RCAN2: variants seen among roughly 807,000 people sequenced by gnomAD.
RCAN2 encodes the protein calcipressin-2.
Under a neutral mutation model 23.6 loss-of-function variants are expected in RCAN2, and 9 were observed. The observed-to-expected ratio is 0.38, with a 90% CI of 0.23 to 0.67. The LOEUF is 0.67. RCAN2 is among the 30% of genes least tolerant of loss of function. The probability of loss-of-function intolerance (pLI) is 0.51; values close to 1 mark genes in which losing one functional copy is unlikely to be tolerated. For missense variants in RCAN2, 273 were observed against 302.3 expected (o/e 0.90, Z 0.72); for synonymous variants, 109 against 115.7 (o/e 0.94, Z 0.37).
chr6:46,357,364 A>C (rs985208104), intron 2 of RCAN2, among the ~76,000 whole-genome samples: 4 of 152,256 alleles, frequency 2.6e-5, no homozygotes, highest in African/African-American at 9.6e-5. Context: ...GATTCAAAAA[A>C]AGAGTCACTA....
chr6:46,355,893 T>A (rs1891036), intron 2 of RCAN2, among the ~76,000 whole-genome samples: 75,193 of 152,056 alleles, frequency 0.49, 18,869 homozygotes, highest in East Asian at 0.61. Context: ...GCCTGGCCTG[T>A]GTGGCTAAGG....
rs61581144 is a variant in RCAN2 at position 46,380,896 on chromosome 6, T to C, written c.225+75856A>G. Among the ~76,000 whole-genome samples, 1,361 of 152,328 alleles carry C rather than the reference T, an allele frequency of 8.9e-3. 20 individuals are homozygous for C. Among genetic ancestry groups the C allele is most frequent in the African/African-American group, 0.031 (1,299 of 41,574 alleles). On this transcript the variant is annotated intron_variant, in intron 2 of 4. Coordinates refer to ENST00000371374, the MANE Select transcript of RCAN2 (RefSeq NM_001251974.2). ...TAAAATAAGGATAAAATAACACCAT[T>C]GTTAAATGGAACAAAAGTTAATCAG... is the stretch of plus-strand genomic sequence containing the variant.
chr6:46,457,385 G>C (rs1302917937), intron 1 of RCAN2, among the ~76,000 whole-genome samples: 6 of 152,018 alleles, frequency 3.9e-5, no homozygotes, highest in African/African-American at 4.8e-5. Flanking sequence ...TATAAGGTTG[G>C]TACCAATATT....
In RCAN2 at chr6:46,398,501, T is replaced by C. The variant is rs955184722; in HGVS notation, c.225+58251A>G. The stretch of plus-strand genomic sequence containing the variant: ...ACCTTAACCCAGTAATATAGACATG[T>C]TCTGGATCATCTTCACGATCTCAGC... On this transcript the variant is annotated intron_variant, in intron 2 of 4. Coordinates refer to ENST00000371374, the MANE Select transcript of RCAN2 (RefSeq NM_001251974.2). 1.7e-4 allele frequency among the ~76,000 whole-genome samples: 26 copies of C among 152,310 alleles called. No homozygotes were observed. The South Asian group carries it at 4.1e-3, about 24-fold the overall frequency.
chr6:46,390,899 G>T (rs1395648919), intron 2 of RCAN2, among the ~76,000 whole-genome samples: 1 of 152,150 alleles, frequency 6.6e-6, no homozygotes, highest in African/African-American at 2.4e-5. Flanking sequence ...AAATGAATGC[G>T]AAGTGCCCAG....
chr6:46,228,568 T>A (rs772244153), intron 4 of RCAN2, among the ~76,000 whole-genome samples: 1 of 152,176 alleles, frequency 6.6e-6, no homozygotes, highest in Non-Finnish European at 1.5e-5. Context: ...TGGTTTAAAG[T>A]CTGTTTTATC....
intron 1 of RCAN2, among the ~76,000 whole-genome samples, chr6:46,490,702 C>A (rs915441641): frequency 1.3e-5 from 2 of 152,194 alleles, no homozygotes; most frequent in Non-Finnish European, 2.9e-5. Flanking sequence ...GCACCTACCC[C>A]CTCCCCAGCC....
intron 4 of RCAN2, 80 bp downstream of exon 4, chr6:46,246,668 G>C (rs1263258547): frequency 2.3e-5 from 27 of 1,181,962 alleles, no homozygotes; most frequent in Middle Eastern, 5.3e-4. Context: ...GTGAACCCAG[G>C]ATCTCAAGGT....
At chr6:46,476,967 A>T (rs888213940) in intron 1 of RCAN2, among the ~76,000 whole-genome samples, 2 of 152,206 alleles carry the variant, frequency 1.3e-5, no homozygotes, top group East Asian at 3.9e-4. Context: ...TCATGTAATC[A>T]ATCATACCTG....
rs551726725 is a variant in RCAN2 at position 46,310,794 on chromosome 6, C to A, written c.226-61898G>T. Among the ~76,000 whole-genome samples, 80 of 152,124 alleles carry A rather than the reference C, an allele frequency of 5.3e-4. No homozygotes were observed. The South Asian group carries it at 8.9e-3, about 17-fold the overall frequency. On this transcript the variant is annotated intron_variant, in intron 2 of 4. Coordinates refer to ENST00000371374, the MANE Select transcript of RCAN2 (RefSeq NM_001251974.2). Reference sequence around the variant, plus strand: ...AGACCTGATGGATTTTTCTTTTATTCCTTCACAAAAATGGATGATGCTCTA... The same window carrying A: ...AGACCTGATGGATTTTTCTTTTATTACTTCACAAAAATGGATGATGCTCTA...
intron 2 of RCAN2, among the ~76,000 whole-genome samples, chr6:46,397,173 C>A (rs1177140996): frequency 6.6e-6 from 1 of 152,118 alleles, no homozygotes; most frequent in East Asian, 1.9e-4. Context: ...ACAATATATG[C>A]TCTAGTGTGA....
chr6:46,381,213 G>C (rs1261347570), intron 2 of RCAN2, among the ~76,000 whole-genome samples: 1 of 152,142 alleles, frequency 6.6e-6, no homozygotes, highest in African/African-American at 2.4e-5. Flanking sequence ...TACATGTTCT[G>C]CTGTTTGGAC....
At chr6:46,420,247 A>C (rs1766841478) in intron 2 of RCAN2, among the ~76,000 whole-genome samples, 1 of 152,152 alleles carries the variant, frequency 6.6e-6, no homozygotes, top group Admixed American at 6.6e-5. Flanking sequence ...ACTAAAATCC[A>C]TGCAAGACAA....
intron 2 of RCAN2, among the ~76,000 whole-genome samples, chr6:46,316,554 A>G (rs1763444781): frequency 6.6e-6 from 1 of 152,204 alleles, no homozygotes; most frequent in African/African-American, 2.4e-5. Context: ...AAAGGAACTG[A>G]GGAGAATAAA....
intron 2 of RCAN2, among the ~76,000 whole-genome samples, chr6:46,330,582 C>T (rs2150366692): frequency 6.6e-6 from 1 of 152,330 alleles, no homozygotes; most frequent in African/African-American, 2.4e-5. Context: ...ATTTCTCCAG[C>T]TGTACTATGA....
intron 2 of RCAN2, among the ~76,000 whole-genome samples, chr6:46,372,935 A>C (rs1665812125): frequency 6.6e-6 from 1 of 152,248 alleles, no homozygotes; most frequent in African/African-American, 2.4e-5. Context: ...AGTCAAAGGA[A>C]AATGAGTCTC....
At chr6:46,480,681 AG>A (rs1351427730) in intron 1 of RCAN2, among the ~76,000 whole-genome samples, 1 of 151,794 alleles carries the variant, frequency 6.6e-6, no homozygotes, top group Non-Finnish European at 1.5e-5. Flanking sequence ...GCTGGAGTGC[AG>A]GGGCACGATC....
intron 1 of RCAN2, among the ~76,000 whole-genome samples, chr6:46,471,105 G>C (rs965001313): frequency 2.6e-5 from 4 of 152,226 alleles, no homozygotes; most frequent in Non-Finnish European, 5.9e-5. Flanking sequence ...GTAAGGAAGA[G>C]AGAGTGTACA....
chr6:46,386,665 T>G (rs1765766302), intron 2 of RCAN2, among the ~76,000 whole-genome samples: 1 of 149,848 alleles, frequency 6.7e-6, no homozygotes, highest in Non-Finnish European at 1.5e-5. Flanking sequence ...CATCTCACGC[T>G]ATCATGCCAG....
Sources: gnomAD v4.1 joint callset for allele counts (sites outside exome capture counted in the v4.1 genomes callset) on GRCh38, gnomAD v4.1.1 for gene constraint, MANE v1.5 for transcripts, NCBI Gene and HGNC (gene_info 2026-07-23, HGNC 2026-07-21) for gene names.